Variants in CNTNAP2 observed in about 807,000 individuals in gnomAD.
CNTNAP2 encodes contactin associated protein 2.
In CNTNAP2, 98 loss-of-function variants were observed where a neutral mutation model predicts 155.2. The observed-to-expected ratio is 0.63, with a 90% CI of 0.54 to 0.75. The LOEUF is 0.75. CNTNAP2 is among the 30% of genes least tolerant of loss of function. CNTNAP2 has a pLI of 0.00. For synonymous variants in CNTNAP2, 651 were observed against 631.2 expected (o/e 1.03, Z -0.47); for missense variants, 1,727 against 1,688.1 (o/e 1.02, Z -0.40).
chr7:146,555,600 T>C (rs1410452721), intron 1 of CNTNAP2, among the ~76,000 whole-genome samples: 1 of 152,152 alleles, frequency 6.6e-6, no homozygotes, highest in Non-Finnish European at 1.5e-5. Context: ...AGGGAGATTG[T>C]AGACTGTAGG....
intron 1 of CNTNAP2, among the ~76,000 whole-genome samples, chr7:146,681,846 A>G (rs1430453257): frequency 6.6e-6 from 1 of 152,092 alleles, no homozygotes; most frequent in Non-Finnish European, 1.5e-5. Context: ...AGAAAGTAAG[A>G]GCTTCTAATG....
chr7:147,427,917 A>T (rs1797405985), intron 10 of CNTNAP2, among the ~76,000 whole-genome samples: 1 of 152,192 alleles, frequency 6.6e-6, no homozygotes, highest in African/African-American at 2.4e-5. Flanking sequence ...TGTAAATCTT[A>T]GAAAAGAATG....
At chr7:147,419,177 T>C (rs1797247260) in intron 10 of CNTNAP2, among the ~76,000 whole-genome samples, 1 of 152,126 alleles carries the variant, frequency 6.6e-6, no homozygotes. Flanking sequence ...TCAGAGTGAA[T>C]GTTTGTTTCC....
chr7:148,067,928 G>A (rs1340617192), intron 15 of CNTNAP2, among the ~76,000 whole-genome samples: 1 of 152,106 alleles, frequency 6.6e-6, no homozygotes, highest in African/African-American at 2.4e-5. Context: ...AGGGAAGTGG[G>A]GGAAAGTCGT....
chr7:147,386,447 C>T (rs530745922), intron 9 of CNTNAP2, among the ~76,000 whole-genome samples: 10 of 152,258 alleles, frequency 6.6e-5, no homozygotes, highest in Non-Finnish European at 1.3e-4. Flanking sequence ...CCCTCAAATG[C>T]TTTTCTGCTT....
intron 15 of CNTNAP2, among the ~76,000 whole-genome samples, chr7:148,040,031 C>T (rs923997121): frequency 1.3e-5 from 2 of 152,192 alleles, no homozygotes; most frequent in Non-Finnish European, 2.9e-5. Flanking sequence ...GACCACAGAG[C>T]CAACCTTATA....
At chr7:146,520,850 A>G (rs1164432665) in intron 1 of CNTNAP2, among the ~76,000 whole-genome samples, 2 of 151,912 alleles carry the variant, frequency 1.3e-5, no homozygotes, top group East Asian at 1.9e-4. Flanking sequence ...GCCCTCCTAC[A>G]TTAATGTAAA....
At chr7:146,286,937 T>A (rs943276891) in intron 1 of CNTNAP2, among the ~76,000 whole-genome samples, 4 of 152,030 alleles carry the variant, frequency 2.6e-5, no homozygotes, top group African/African-American at 9.7e-5. Flanking sequence ...AGACCCTGCC[T>A]CTACAAAAAC....
intron 4 of CNTNAP2, among the ~76,000 whole-genome samples, chr7:147,072,759 A>G (rs188368956): frequency 3.4e-4 from 51 of 152,168 alleles, no homozygotes; most frequent in African/African-American, 1.0e-3. Flanking sequence ...ACTCAGATTT[A>G]AAGAAAGGAT....
chr7:146,308,633 G>A (rs569461076), intron 1 of CNTNAP2, among the ~76,000 whole-genome samples: 90 of 152,240 alleles, frequency 5.9e-4, no homozygotes, highest in African/African-American at 2.1e-3. Context: ...ATACACCATG[G>A]AATACTATTC....
chr7:148,037,535 C>T (rs1802593587), intron 15 of CNTNAP2, among the ~76,000 whole-genome samples: 1 of 152,108 alleles, frequency 6.6e-6, no homozygotes, highest in Non-Finnish European at 1.5e-5. Context: ...ACTAGTGTTC[C>T]AACTCGTATA....
At chr7:146,720,487 G>A (rs949115869) in intron 1 of CNTNAP2, among the ~76,000 whole-genome samples, 2 of 152,080 alleles carry the variant, frequency 1.3e-5, no homozygotes, top group Non-Finnish European at 2.9e-5. Flanking sequence ...ATCAATTTCA[G>A]ATGCCTATAA....
At chr7:147,078,491 CAG>C (rs1160968809) in intron 4 of CNTNAP2, among the ~76,000 whole-genome samples, 7 of 152,158 alleles carry the variant, frequency 4.6e-5, no homozygotes, top group African/African-American at 1.7e-4. Context: ...ACTGATTAGA[CAG>C]GGAATTCTGA....
At chr7:148,411,433 T>C (rs1200915553) in intron 23 of CNTNAP2, among the ~76,000 whole-genome samples, 4 of 152,066 alleles carry the variant, frequency 2.6e-5, no homozygotes, top group African/African-American at 4.8e-5. Flanking sequence ...GCCTGGCTAA[T>C]TTTTGTATTT....
intron 13 of CNTNAP2, among the ~76,000 whole-genome samples, chr7:147,851,420 G>A (rs1377395111): frequency 1.3e-5 from 2 of 152,056 alleles, no homozygotes; most frequent in Non-Finnish European, 2.9e-5. Flanking sequence ...TCCCATTACT[G>A]GGTATATACC....
At chr7:147,262,667 G>A (rs558063514) in intron 8 of CNTNAP2, among the ~76,000 whole-genome samples, 3 of 152,314 alleles carry the variant, frequency 2.0e-5, no homozygotes, top group South Asian at 2.1e-4. Context: ...TTAGCTGGGC[G>A]TGGTGGCGAG....
chr7:147,683,885 C>T (rs1795984085), intron 13 of CNTNAP2, among the ~76,000 whole-genome samples: 2 of 151,250 alleles, frequency 1.3e-5, no homozygotes, highest in South Asian at 4.2e-4. Context: ...TGACTAATTA[C>T]TAATGTTTCA....
At chr7:147,310,794 A>G (rs1795109568) in intron 9 of CNTNAP2, among the ~76,000 whole-genome samples, 1 of 152,246 alleles carries the variant, frequency 6.6e-6, no homozygotes, top group African/African-American at 2.4e-5. Flanking sequence ...GAACCATTGC[A>G]ATAGATACAG....
chr7:147,949,303 T>C (rs889698813), intron 14 of CNTNAP2, among the ~76,000 whole-genome samples: 1 of 151,956 alleles, frequency 6.6e-6, no homozygotes, highest in Non-Finnish European at 1.5e-5. Context: ...TCATCCTTCC[T>C]GTCTTCACAA....
Sources: allele counts gnomAD v4.1 joint callset (sites outside exome capture counted in the v4.1 genomes callset), GRCh38; gene constraint gnomAD v4.1.1; transcripts MANE v1.5; gene names NCBI Gene and HGNC (gene_info 2026-07-23, HGNC 2026-07-21).